Variants in ATXN2L observed in about 807,000 individuals in gnomAD.
The protein encoded by ATXN2L is ataxin 2 like, also known as ataxin-2-like protein.
Under a neutral mutation model 120.7 loss-of-function variants are expected in ATXN2L, and 24 were observed. The observed-to-expected ratio is 0.20, with a 90% CI of 0.14 to 0.28. The LOEUF (loss-of-function observed/expected upper bound fraction) is 0.28, where lower values mean the gene tolerates loss of function less well. Among genes scored for constraint, ATXN2L ranks in the 10% least tolerant of loss-of-function variants. ATXN2L has a pLI of 1.00. For missense variants in ATXN2L, 1,312 were observed against 1,432.3 expected (o/e 0.92, Z 1.36); for synonymous variants, 653 against 568.1 (o/e 1.15, Z -2.13).
At position 28,829,954 on chromosome 16, in the gene ATXN2L, C is replaced by T. The variant is rs781722327; in HGVS notation, c.930C>T (p.Arg310=). ...AREIESSPQY[R]LRIAMENDDG... Reference sequence around the variant, plus strand: ...AGATTGAATCAAGCCCCCAGTACCGCCTACGGATCGCCATGGAGAACGACG... The same window carrying T: ...AGATTGAATCAAGCCCCCAGTACCGTCTACGGATCGCCATGGAGAACGACG... Residue 310 remains arginine, a synonymous_variant, in exon 8 of 22, where the codon CGC becomes CGT. Transcript: ENST00000336783. 5 of 1,614,170 alleles carry T rather than the reference C, an allele frequency of 3.1e-6. No homozygotes were observed. The South Asian group carries it at 4.4e-5, about 14-fold the overall frequency.
chr16:28,831,888 A>G (rs1411297513), intron 10 of ATXN2L, among the ~76,000 whole-genome samples: 1 of 152,200 alleles, frequency 6.6e-6, no homozygotes, highest in Non-Finnish European at 1.5e-5. Flanking sequence ...CTGTCTCTAA[A>G]TAAATAAATC....
intron 6 of ATXN2L, among the ~76,000 whole-genome samples, chr16:28,828,195 G>A (rs745547233): frequency 2.0e-5 from 3 of 152,262 alleles, no homozygotes; most frequent in Admixed American, 2.0e-4. Flanking sequence ...ACATGTGCCA[G>A]AATTTTTCTG....
chr16:28,823,245 C>CCGGACG lies in ATXN2L; in HGVS notation c.-13_-8dup, dbSNP rs1299014418. 2 of 1,434,526 alleles carry CCGGACG rather than the reference C, an allele frequency of 1.4e-6. No homozygotes were observed. Among genetic ancestry groups the CCGGACG allele is most frequent in the Non-Finnish European group, 1.8e-6 (2 of 1,092,038 alleles). 88.9% of individuals were successfully genotyped at this position (1,434,526 alleles called of 1,614,324 possible). A position where few individuals can be genotyped will look rare whatever the true frequency, so the allele number is the denominator to read the frequency against. ...CCCTCCCTTCTCTCTAATTCCCCTT[C>CCGGACG]CGGACGCTGCCATCATGTTGAAGCC... On this transcript the variant is annotated 5_prime_UTR_variant, in exon 1 of 22. Transcript: ENST00000336783.
rs1437773579 is a variant in ATXN2L at position 28,833,257 on chromosome 16, G to A, written c.1858G>A (p.Gly620Arg). The change falls in exon 14 of 22, where the codon GGG (glycine) becomes AGG (arginine). Residue 620 changes from glycine (G) to arginine (R), a missense_variant. Coordinates refer to ENST00000336783, the MANE Select transcript of ATXN2L (RefSeq NM_007245.4). ...CCTGGCACCATCAGGAGGCACTGAG[G>A]GGCCAGAGCAGCCCCCACCACCTTG... ...PPLAPSGGTE[G>R]PEQPPPPCPS... 1 of 1,614,084 alleles carries A rather than the reference G, an allele frequency of 6.2e-7. No homozygotes were observed. Among genetic ancestry groups the A allele is most frequent in the African/African-American group, 1.3e-5 (1 of 74,948 alleles).
intron 10 of ATXN2L, 66 bp from the exon 11 acceptor site, chr16:28,832,139 T>TA: frequency 6.5e-7 from 1 of 1,547,484 alleles, no homozygotes; most frequent in South Asian, 1.1e-5. Context: ...CTGTTTTGAG[T>TA]AAGGCCCTTG....
At chr16:28,827,122 G>A (rs1480122770) in intron 6 of ATXN2L, 136 bp downstream of exon 6, 8 of 980,486 alleles carry the variant, frequency 8.2e-6, no homozygotes, top group Non-Finnish European at 1.1e-5. Flanking sequence ...GAAAGGTATA[G>A]AAAATAGCAA....
rs1477453736 is a variant in ATXN2L at position 28,825,405 on chromosome 16, G to A, written c.336+3G>A. ...GAAAGGGACCCCCACAGTCACCTGTGAGTGTCTTCTCCCACCCTGTTTAAG... is the reference window on the plus strand; with the variant it reads ...GAAAGGGACCCCCACAGTCACCTGTAAGTGTCTTCTCCCACCCTGTTTAAG... On this transcript the variant is annotated splice_donor_region_variant and intron_variant, in intron 2 of 21. Transcript: ENST00000336783. 1.2e-6 allele frequency: 2 copies of A among 1,613,710 alleles called. No homozygotes were observed. The highest frequency in any genetic ancestry group is 1.7e-6 in the Non-Finnish European group (2 of 1,179,852).
intron 6 of ATXN2L, 29 bp downstream of exon 6, chr16:28,827,015 A>C (rs1322913643): frequency 3.2e-5 from 45 of 1,419,994 alleles, no homozygotes; most frequent in Non-Finnish European, 4.2e-5. Context: ...AGAACTTGGG[A>C]GCTGGACAGA....
At chr16:28,827,045 T>C in intron 6 of ATXN2L, 59 bp downstream of exon 6, 1 of 1,352,982 alleles carries the variant, frequency 7.4e-7, no homozygotes, top group Non-Finnish European at 9.6e-7. Flanking sequence ...TTGTTGACAG[T>C]GAGGTTCATT....
At position 28,824,077 on chromosome 16, in the gene ATXN2L, G is replaced by A. The variant is rs2050714838; in HGVS notation, c.299+519G>A. 7.0e-6 allele frequency: 7 copies of A among 1,004,544 alleles called. No homozygotes were observed. In the South Asian group the frequency reaches 1.8e-4, roughly 26 times the overall value. The allele number at this position is 1,004,544 out of a possible 1,614,324, so 62.2% of individuals were successfully genotyped here. Reference sequence around the variant, plus strand: ...GGCCAGTAGGAGGGGAGCGAGGTGGGCGGGGGGACGGAAGGAGGGATGACT... The same window carrying A: ...GGCCAGTAGGAGGGGAGCGAGGTGGACGGGGGGACGGAAGGAGGGATGACT... On this transcript the variant is annotated intron_variant, in intron 1 of 21. Coordinates refer to ENST00000336783, the MANE Select transcript of ATXN2L (RefSeq NM_007245.4).
chr16:28,831,023 G>C lies in ATXN2L; in HGVS notation c.1272G>C (p.Ser424=), dbSNP rs766756824. The stretch of plus-strand genomic sequence containing the variant: ...TGAGAGGTGCCAAGACTCTGTCTTC[G>C]CCCAGTAATAGGCCTTCTGGAGAAA... ...RPLRGAKTLS[S]PSNRPSGETS... is the part of the protein sequence containing the mutation. The change falls in exon 10 of 22, where the codon TCG becomes TCC. Residue 424 remains serine (S), a synonymous_variant. Coordinates refer to ENST00000336783, the MANE Select transcript of ATXN2L (RefSeq NM_007245.4). 6.2e-7 allele frequency: 1 copy of C among 1,611,258 alleles called. No homozygotes were observed. Among genetic ancestry groups the C allele is most frequent in the Non-Finnish European group, 8.5e-7 (1 of 1,179,578 alleles).
At position 28,834,646 on chromosome 16, in the gene ATXN2L, C is replaced by G; in HGVS notation, c.2386C>G (p.Pro796Ala). ...SYIPYNPQQF[P>A]GQPAMMQPMA... The stretch of plus-strand genomic sequence containing the variant: ...CATCCCCTACAACCCTCAGCAGTTC[C>G]CAGGCCAGCCAGCCATGATGCAGCC... Residue 796 changes from proline (P) to alanine (A), a missense_variant, in exon 18 of 22, where the codon CCA (proline) becomes GCA (alanine). By Grantham distance (27) the Pro-to-Ala change is conservative. Transcript: ENST00000336783. 6.2e-7 allele frequency: 1 copy of G among 1,614,016 alleles called. No individual in the cohort carries two copies. The highest frequency in any genetic ancestry group is 8.5e-7 in the Non-Finnish European group (1 of 1,180,006).
chr16:28,836,659 G>A lies in ATXN2L; in HGVS notation c.*394G>A, dbSNP rs1961027558. 9 of 1,612,106 alleles carry A rather than the reference G, an allele frequency of 5.6e-6. No homozygotes were observed. The highest frequency in any genetic ancestry group is 4.5e-5 in the East Asian group (2 of 44,810). ...ACACACCCCCACGCCCCCACTGGACGGCATTGGAGGAAGGGACAGCTGCTT... is the reference window on the plus strand; with the variant it reads ...ACACACCCCCACGCCCCCACTGGACAGCATTGGAGGAAGGGACAGCTGCTT... On this transcript the variant is annotated 3_prime_UTR_variant, in exon 22 of 22. Coordinates refer to ENST00000336783, the MANE Select transcript of ATXN2L (RefSeq NM_007245.4).
At chr16:28,827,437 C>T (rs1234814445) in intron 6 of ATXN2L, among the ~76,000 whole-genome samples, 5 of 151,990 alleles carry the variant, frequency 3.3e-5, no homozygotes, top group Admixed American at 6.6e-5. Context: ...CGCAACAAAA[C>T]CAAAACATCA....
rs768597414 is a variant in ATXN2L, at chr16:28,836,452, TCA to T, written c.*188_*189del. ...CCCCTCCCCACTGCCTCCCCAGCTC[TCA>T]GTGACCCCGACTGTCTCCTGACTTA... On this transcript the variant is annotated 3_prime_UTR_variant, in exon 22 of 22. Coordinates refer to ENST00000336783, the MANE Select transcript of ATXN2L (RefSeq NM_007245.4). 1.2e-5 allele frequency: 20 copies of T among 1,612,440 alleles called. No homozygotes were observed. The highest frequency in any genetic ancestry group is 1.5e-5 in the Non-Finnish European group (18 of 1,179,566).
intron 8 of ATXN2L, 127 bp downstream of exon 8, chr16:28,830,185 G>C: frequency 2.1e-6 from 2 of 931,308 alleles, no homozygotes; most frequent in Admixed American, 3.3e-5. Flanking sequence ...AGGTTTAGGA[G>C]GTTGAGGTAA....
Position 28,834,509 on chromosome 16 carries a change from C to G in ATXN2L, c.2249C>G (p.Ser750Cys). The change falls in exon 18 of 22, where the codon TCC (serine) becomes TGC (cysteine). Residue 750 changes from serine to cysteine, a missense_variant. By Grantham distance (112) the Ser-to-Cys change is moderately radical. Coordinates refer to ENST00000336783, the MANE Select transcript of ATXN2L (RefSeq NM_007245.4). ...QQGKYRGAKG[S>C]LPPQRSDQHQ... ...TCCTCTCCTCCTCCTCTTCCAGGCT[C>G]CCTTCCTCCGCAGCGCTCGGACCAA... 1.2e-6 allele frequency: 2 copies of G among 1,611,766 alleles called. No homozygotes were observed. The highest frequency in any genetic ancestry group is 1.7e-6 in the Non-Finnish European group (2 of 1,179,592).
At chr16:28,827,091 A>T in intron 6 of ATXN2L, 105 bp downstream of exon 6, 2 of 1,166,772 alleles carry the variant, frequency 1.7e-6, no homozygotes. Context: ...TTGCCCATTG[A>T]TGGTAGTCAG....
Position 28,833,433 on chromosome 16 carries a change from T to G in ATXN2L, c.1956-6T>G. ...CCGTGAAGATTTACTGTACTTTCTCTCACAGACAAGTAAAGAAATCAACGT... is the reference window on the plus strand; with the variant it reads ...CCGTGAAGATTTACTGTACTTTCTCGCACAGACAAGTAAAGAAATCAACGT... On this transcript the variant is annotated splice_polypyrimidine_tract_variant and splice_region_variant and intron_variant, in intron 14 of 21. Coordinates refer to ENST00000336783, the MANE Select transcript of ATXN2L (RefSeq NM_007245.4). 6.2e-7 allele frequency: 1 copy of G among 1,614,146 alleles called. No individual in the cohort carries two copies. Among genetic ancestry groups the G allele is most frequent in the African/African-American group, 1.3e-5 (1 of 75,034 alleles).
Sources: gnomAD v4.1 joint callset for allele counts (sites outside exome capture counted in the v4.1 genomes callset) on GRCh38, gnomAD v4.1.1 for gene constraint, MANE v1.5 for transcripts, NCBI Gene and HGNC (gene_info 2026-07-23, HGNC 2026-07-21) for gene names.